The following IQGAP2 variants were observed in gnomAD, a reference collection of about 807,000 sequenced individuals.
IQGAP2 encodes the protein ras GTPase-activating-like protein IQGAP2.
A neutral mutation model predicts 201.3 loss-of-function variants in IQGAP2; 173 were observed. The observed-to-expected ratio is 0.86, with a 90% CI of 0.76 to 0.98. The LOEUF (loss-of-function observed/expected upper bound fraction) is 0.98. Ranked by LOEUF, IQGAP2 falls within the 50% of genes least tolerant of loss-of-function variation. The probability of loss-of-function intolerance (pLI) is 0.00; values close to 1 mark genes in which losing one functional copy is unlikely to be tolerated. For missense variants in IQGAP2, 1,687 were observed against 1,864.8 expected, an observed-to-expected ratio of 0.90 and a Z score of 1.76; for synonymous variants, 675 against 673.9, an observed-to-expected ratio of 1.00 and a Z score of -0.03.
chr5:76,489,650 G>A (rs1756410942), intron 2 of IQGAP2, among the ~76,000 whole-genome samples: 1 of 152,136 alleles, frequency 6.6e-6, no homozygotes, highest in African/African-American at 2.4e-5. Context: ...TTTTTTAGTA[G>A]AGATGGGGTT....
At chr5:76,565,366 A>G (rs1744674142) in intron 3 of IQGAP2, among the ~76,000 whole-genome samples, 1 of 152,210 alleles carries the variant, frequency 6.6e-6, no homozygotes, top group African/African-American at 2.4e-5. Context: ...TTTGATGGCC[A>G]TCAGTTAGGC....
chr5:76,567,493 T>G (rs577082049), intron 3 of IQGAP2, among the ~76,000 whole-genome samples: 13 of 152,188 alleles, frequency 8.5e-5, no homozygotes, highest in Non-Finnish European at 1.8e-4. Flanking sequence ...AGGCACAAAA[T>G]GATCCATGCA....
At chr5:76,506,538 C>T (rs1757616491) in intron 2 of IQGAP2, among the ~76,000 whole-genome samples, 1 of 152,170 alleles carries the variant, frequency 6.6e-6, no homozygotes, top group East Asian at 1.9e-4. Context: ...TAGACAGTAA[C>T]AGTGATCTCC....
At chr5:76,516,440 A>G (rs1041193893) in intron 2 of IQGAP2, among the ~76,000 whole-genome samples, 1 of 152,188 alleles carries the variant, frequency 6.6e-6, no homozygotes. Context: ...ACTTAAGTCA[A>G]CTTGTGATGT....
intron 33 of IQGAP2, among the ~76,000 whole-genome samples, chr5:76,699,964 T>TCC (rs58399211): frequency 0.071 from 4,463 of 63,140 alleles, 1,655 homozygotes; most frequent in East Asian, 0.096. Flanking sequence ...TCTCTCTCTC[T>TCC]ATATATATAT....
At chr5:76,415,341 A>G (rs1751352403) in intron 1 of IQGAP2, among the ~76,000 whole-genome samples, 1 of 152,222 alleles carries the variant, frequency 6.6e-6, no homozygotes, top group African/African-American at 2.4e-5. Context: ...TGTGTAGGTA[A>G]TGAGATATTT....
chr5:76,410,012 A>C (rs1310762306), intron 1 of IQGAP2, among the ~76,000 whole-genome samples: 1 of 152,250 alleles, frequency 6.6e-6, no homozygotes, highest in Non-Finnish European at 1.5e-5. Context: ...CCTGGCACAT[A>C]GTGCTAAACA....
Position 76,451,063 on chromosome 5 carries a change from A to C in IQGAP2, c.47-10507A>C, listed in dbSNP as rs73116074. On this transcript the variant is annotated intron_variant, in intron 1 of 35. Transcript: ENST00000274364. ...CTTCCAAATATAAGTTTTGACTTAA[A>C]GTCAGCTCCTTAGTATATCCCTGGA... Among the ~76,000 whole-genome samples the C allele has an allele frequency of 3.6e-3, 548 of 152,262 alleles. 2 individuals are homozygous for C. The highest frequency in any genetic ancestry group is 0.011 in the African/African-American group (474 of 41,550).
At chr5:76,448,672 A>G (rs1044443243) in intron 1 of IQGAP2, among the ~76,000 whole-genome samples, 2 of 152,204 alleles carry the variant, frequency 1.3e-5, no homozygotes, top group Admixed American at 1.3e-4. Flanking sequence ...TTTGAAGGGC[A>G]GATGAGAGCC....
intron 2 of IQGAP2, among the ~76,000 whole-genome samples, chr5:76,467,658 A>G (rs761519861): frequency 7.2e-5 from 11 of 152,214 alleles, no homozygotes; most frequent in African/African-American, 1.4e-4. Flanking sequence ...AAAATTGAAA[A>G]TCTATGCCCA....
chr5:76,657,914 G>A lies in IQGAP2; in HGVS notation c.2321-545G>A, dbSNP rs893455850. Among the ~76,000 whole-genome samples the A allele has an allele frequency of 4.6e-5, 7 of 152,236 alleles. No individual in the cohort carries two copies. In the South Asian group the frequency reaches 6.2e-4, roughly 14 times the overall value. ...TTTATTTCAGCTAAGTAGAACATTC[G>A]TTTTACTTATCATTCTGTTGGTTCC... On this transcript the variant is annotated intron_variant, in intron 20 of 35. Coordinates refer to ENST00000274364, the MANE Select transcript of IQGAP2 (RefSeq NM_006633.5).
At chr5:76,496,797 T>TTC (rs1561416867) in intron 2 of IQGAP2, among the ~76,000 whole-genome samples, 130 of 143,114 alleles carry the variant, frequency 9.1e-4, no homozygotes, top group Admixed American at 1.3e-3. Flanking sequence ...TTCTTTCTCT[T>TTC]TCTTTCTTTC....
chr5:76,638,614 A>G (rs1751331205), intron 16 of IQGAP2, among the ~76,000 whole-genome samples: 1 of 152,220 alleles, frequency 6.6e-6, no homozygotes, highest in African/African-American at 2.4e-5. Context: ...GAAAAAGTAC[A>G]GCCAAAAGAG....
intron 2 of IQGAP2, among the ~76,000 whole-genome samples, chr5:76,499,868 G>T (rs1329196847): frequency 6.6e-6 from 1 of 152,192 alleles, no homozygotes; most frequent in Admixed American, 6.5e-5. Context: ...CACTTTGGGA[G>T]GCCAAGGCAA....
intron 2 of IQGAP2, among the ~76,000 whole-genome samples, chr5:76,505,343 T>G (rs1057006233): frequency 2.6e-5 from 4 of 152,060 alleles, no homozygotes; most frequent in Admixed American, 2.6e-4. Flanking sequence ...AACTGGGGAG[T>G]CAACCCAGAG....
Position 76,707,219 on chromosome 5 carries a change from A to G in IQGAP2, c.4634A>G (p.Tyr1545Cys), listed in dbSNP as rs202207724. 4.2e-5 allele frequency: 62 copies of G among 1,476,144 alleles called. No homozygotes were observed. The highest frequency in any genetic ancestry group is 1.7e-4 in the Middle Eastern group (1 of 5,808). 91.4% of individuals were successfully genotyped at this position (1,476,144 alleles called of 1,614,324 possible). A position where few individuals can be genotyped will look rare whatever the true frequency, so the allele number is the denominator to read the frequency against. ...TTTCAGGATTTACTTCAGATGCAAT[A>G]TGAAGGAGTAGCTGTAATGAAAATG... ...LNIQDLLQMQ[Y>C]EGVAVMKMFD... The change falls in exon 36 of 36, where the codon TAT (tyrosine) becomes TGT (cysteine). Residue 1545 changes from tyrosine to cysteine, a missense_variant. Transcript: ENST00000274364.
At chr5:76,584,708 T>A (rs181327416) in intron 5 of IQGAP2, among the ~76,000 whole-genome samples, 1 of 152,340 alleles carries the variant, frequency 6.6e-6, no homozygotes, top group South Asian at 2.1e-4. Flanking sequence ...GGTTCCCTTC[T>A]GGCGTCCGTT....
In IQGAP2 at chr5:76,627,104, G is replaced by T. The variant is rs549581930; in HGVS notation, c.1522-306G>T. ...TATCTATTTTGAAGGGATCCTCTGGGCCCTCTGTAGAGGGCCACTGTGGTG... is the reference window on the plus strand; with the variant it reads ...TATCTATTTTGAAGGGATCCTCTGGTCCCTCTGTAGAGGGCCACTGTGGTG... On this transcript the variant is annotated intron_variant, in intron 13 of 35. Coordinates refer to ENST00000274364, the MANE Select transcript of IQGAP2 (RefSeq NM_006633.5). 5.3e-5 allele frequency among the ~76,000 whole-genome samples: 8 copies of T among 152,246 alleles called. No individual in the cohort carries two copies. The South Asian group carries it at 1.7e-3, about 32-fold the overall frequency.
chr5:76,419,858 C>T (rs1442817816), intron 1 of IQGAP2, among the ~76,000 whole-genome samples: 1 of 152,158 alleles, frequency 6.6e-6, no homozygotes, highest in Non-Finnish European at 1.5e-5. Context: ...CTGAGAAAGA[C>T]ATTCTTCTCT....
Sources: allele counts gnomAD v4.1 joint callset (sites outside exome capture counted in the v4.1 genomes callset), GRCh38; gene constraint gnomAD v4.1.1; transcripts MANE v1.5; gene names NCBI Gene and HGNC (gene_info 2026-07-23, HGNC 2026-07-21).